Variants in ROBO2 observed in about 807,000 individuals in gnomAD.
ROBO2 encodes roundabout homolog 2.
Under a neutral mutation model 160.8 loss-of-function variants are expected in ROBO2, and 53 were observed. The ratio of observed to expected loss-of-function variants is 0.33; its 90% CI spans 0.26 to 0.41. The LOEUF (loss-of-function observed/expected upper bound fraction) is 0.41, where lower values mean the gene tolerates loss of function less well. Ranked by LOEUF, ROBO2 falls within the 10% of genes least tolerant of loss-of-function variation. ROBO2 has a pLI of 1.00. For synonymous variants in ROBO2, 664 were observed against 611.7 expected (o/e 1.09, Z -1.26); for missense variants, 1,577 against 1,722.4 (o/e 0.92, Z 1.49).
chr3:76,731,961 A>G (rs1196534641), intron 2 of ROBO2, among the ~76,000 whole-genome samples: 6 of 152,296 alleles, frequency 3.9e-5, no homozygotes, highest in Non-Finnish European at 2.9e-5. Context: ...TGCAACAGAA[A>G]TGAGGAAATA....
At chr3:76,563,267 T>G (rs1469310043) in intron 2 of ROBO2, among the ~76,000 whole-genome samples, 1 of 152,136 alleles carries the variant, frequency 6.6e-6, no homozygotes, top group Non-Finnish European at 1.5e-5. Context: ...TAAGTGTGAT[T>G]TTCTTAAGTA....
intron 2 of ROBO2, among the ~76,000 whole-genome samples, chr3:76,446,178 C>G (rs866329871): frequency 4.6e-5 from 7 of 152,278 alleles, no homozygotes; most frequent in Middle Eastern, 3.4e-3. Context: ...ATCTGATAAG[C>G]AACTTCAGCA....
In ROBO2 at chr3:76,218,149, G is replaced by T. The variant is rs570179133; in HGVS notation, c.109+280547G>T. ...AAAAACTCTCAATAAATTAGGTACTGATGGGACATATCTCAAAATAACAAG... is the reference window on the plus strand; with the variant it reads ...AAAAACTCTCAATAAATTAGGTACTTATGGGACATATCTCAAAATAACAAG... On this transcript the variant is annotated intron_variant, in intron 2 of 26. Coordinates refer to the ROBO2 transcript ENST00000487694. Among the ~76,000 whole-genome samples, 12 of 152,282 alleles carry T rather than the reference G, an allele frequency of 7.9e-5. No individual in the cohort carries two copies. In the East Asian group the frequency reaches 2.3e-3, roughly 29 times the overall value.
intron 2 of ROBO2, among the ~76,000 whole-genome samples, chr3:76,825,603 C>CAAAAAAAAAAAAAAAAA (rs201063990): frequency 1.4e-4 from 10 of 72,492 alleles, no homozygotes; most frequent in East Asian, 5.0e-4. Context: ...TCATCTTAGC[C>CAAAAAAAAAAAAAAAAA]AAAAAAAAAA....
intron 2 of ROBO2, among the ~76,000 whole-genome samples, chr3:76,654,938 T>TATATATATATATAA (rs1298681501): frequency 5.4e-5 from 8 of 148,328 alleles, no homozygotes; most frequent in Non-Finnish European, 1.0e-4. Flanking sequence ...TTTATATATA[T>TATATATATATATAA]AAATTTAAAG....
chr3:76,407,203 C>T (rs2075246123), intron 2 of ROBO2, among the ~76,000 whole-genome samples: 1 of 151,820 alleles, frequency 6.6e-6, no homozygotes, highest in African/African-American at 2.4e-5. Flanking sequence ...TCTCATTTTA[C>T]ATTTTACGTA....
intron 2 of ROBO2, among the ~76,000 whole-genome samples, chr3:77,235,607 TAAAGAG>T (rs1292214764): frequency 6.6e-6 from 1 of 152,188 alleles, no homozygotes; most frequent in African/African-American, 2.4e-5. Flanking sequence ...AACTATATAT[TAAAGAG>T]AAAGTCTCAG....
chr3:76,775,648 T>C (rs2034805166), intron 2 of ROBO2, among the ~76,000 whole-genome samples: 1 of 150,748 alleles, frequency 6.6e-6, no homozygotes, highest in Admixed American at 6.6e-5. Flanking sequence ...TTCAACTTAA[T>C]TCTGTCCATA....
At chr3:76,338,511 T>G (rs898792333) in intron 2 of ROBO2, among the ~76,000 whole-genome samples, 2 of 151,572 alleles carry the variant, frequency 1.3e-5, no homozygotes, top group Non-Finnish European at 2.9e-5. Context: ...ACACTGACTC[T>G]TAAAAAAAAA....
chr3:76,377,055 A>G (rs532078542), intron 2 of ROBO2, among the ~76,000 whole-genome samples: 1 of 152,158 alleles, frequency 6.6e-6, no homozygotes, highest in Non-Finnish European at 1.5e-5. Context: ...GTCATCAACA[A>G]AGTAGGCCCG....
rs1160493785 is a variant in ROBO2 at position 77,622,133 on chromosome 3, G to T, written c.3555-94G>T. The T allele has an allele frequency of 2.7e-6, 3 of 1,091,444 alleles. No homozygotes were observed. In the East Asian group the frequency reaches 7.4e-5, roughly 27 times the overall value. The allele number at this position is 1,091,444 out of a possible 1,614,324, so 67.6% of individuals were successfully genotyped here. On this transcript the variant is annotated intron_variant, in intron 22 of 25. Coordinates refer to ENST00000461745, the Ensembl canonical transcript of ROBO2. Reference sequence around the variant, plus strand: ...TTAGTTAATGGAAAGGAAGAAGACAGTATGAGTTACTATAGCATGCATTTA... The same window carrying T: ...TTAGTTAATGGAAAGGAAGAAGACATTATGAGTTACTATAGCATGCATTTA...
intron 2 of ROBO2, among the ~76,000 whole-genome samples, chr3:77,130,361 A>G (rs2075742377): frequency 6.6e-6 from 1 of 152,354 alleles, no homozygotes; most frequent in East Asian, 1.9e-4. Flanking sequence ...CGATTAAGAA[A>G]GTCACTTGAA....
intron 2 of ROBO2, among the ~76,000 whole-genome samples, chr3:76,103,485 G>A (rs1257683277): frequency 1.3e-5 from 2 of 152,176 alleles, no homozygotes; most frequent in Non-Finnish European, 2.9e-5. Context: ...GCTCTTAAAT[G>A]TGAAATGTTT....
chr3:77,026,306 T>C (rs1370095632), intron 2 of ROBO2, among the ~76,000 whole-genome samples: 1 of 152,168 alleles, frequency 6.6e-6, no homozygotes, highest in Admixed American at 6.5e-5. Flanking sequence ...GATTGTGATA[T>C]TAGAATAAGG....
chr3:76,153,051 T>C (rs2072268876), intron 2 of ROBO2, among the ~76,000 whole-genome samples: 1 of 152,196 alleles, frequency 6.6e-6, no homozygotes. Context: ...AATGTGTTAT[T>C]AGTTAACTAT....
chr3:76,219,654 A>G (rs910561157), intron 2 of ROBO2, among the ~76,000 whole-genome samples: 7 of 152,142 alleles, frequency 4.6e-5, no homozygotes, highest in Non-Finnish European at 7.4e-5. Context: ...TTAGAATGGC[A>G]ATCATTAAAA....
intron 1 of ROBO2, among the ~76,000 whole-genome samples, chr3:77,046,469 T>C (rs555763896): frequency 6.6e-6 from 1 of 152,302 alleles, no homozygotes; most frequent in South Asian, 2.1e-4. Flanking sequence ...CAATAGTAAA[T>C]ATAAATCATA....
intron 2 of ROBO2, among the ~76,000 whole-genome samples, chr3:76,615,227 C>CT (rs1165057319): frequency 1.3e-5 from 2 of 150,996 alleles, no homozygotes; most frequent in Non-Finnish European, 3.0e-5. Flanking sequence ...TATTGCTGCT[C>CT]TTTTTTATTA....
chr3:76,624,305 C>G (rs1369835205), intron 2 of ROBO2, among the ~76,000 whole-genome samples: 1 of 152,128 alleles, frequency 6.6e-6, no homozygotes, highest in African/African-American at 2.4e-5. Flanking sequence ...TGCTTGTTTT[C>G]TCAGCTGAGT....
Sources: allele counts gnomAD v4.1 joint callset (sites outside exome capture counted in the v4.1 genomes callset), GRCh38; gene constraint gnomAD v4.1.1; transcripts MANE v1.5; gene names NCBI Gene and HGNC (gene_info 2026-07-23, HGNC 2026-07-21).